The following PCDHGB7 variants were observed in gnomAD, a reference collection of about 807,000 sequenced individuals.
PCDHGB7 encodes the protein protocadherin gamma subfamily B, 7.
A neutral mutation model predicts 61.4 loss-of-function variants in PCDHGB7; 37 were observed. The ratio of observed to expected loss-of-function variants is 0.60; its 90% CI spans 0.46 to 0.79. PCDHGB7 has a LOEUF of 0.79. Ranked by LOEUF, PCDHGB7 falls within the 30% of genes least tolerant of loss-of-function variation. PCDHGB7 has a pLI of 0.00. For synonymous variants in PCDHGB7, 464 were observed against 503.5 expected (o/e 0.92, Z 1.05); for missense variants, 1,166 against 1,202.5 (o/e 0.97, Z 0.45).
chr5:141,478,202 C>T, intron 1 of PCDHGB7: 1 of 1,614,074 alleles, frequency 6.2e-7, no homozygotes, highest in Non-Finnish European at 8.5e-7. Flanking sequence ...TTATCTACTT[C>T]TTTCTCTAAT....
At chr5:141,444,561 G>A (rs1554133061) in intron 1 of PCDHGB7, among the ~76,000 whole-genome samples, 2 of 152,098 alleles carry the variant, frequency 1.3e-5, no homozygotes, top group Non-Finnish European at 2.9e-5. Context: ...GCACTTATTT[G>A]ACACTTTTGA....
chr5:141,511,049 G>A lies in PCDHGB7; in HGVS notation c.2666G>A (p.Arg889His), dbSNP rs61749029. 408 of 1,614,098 alleles carry A rather than the reference G, an allele frequency of 2.5e-4. No individual in the cohort carries two copies. Among genetic ancestry groups the A allele is most frequent in the South Asian group, 7.2e-4 (66 of 91,094 alleles). Residue 889 changes from arginine (R) to histidine (H), a missense_variant, in exon 4 of 4, where the codon CGC becomes CAC. Transcript: ENST00000398594. ...QFTLQHVPDY[R>H]QNVYIPGSNA... ...ACCCTGCAGCACGTGCCCGACTACC[G>A]CCAGAATGTCTACATCCCAGGCAGC...
Position 141,491,732 on chromosome 5 carries a change from C to G in PCDHGB7, c.2416-3075C>G. ...GGCTCGGCGCCGCCCCGGGCGACCC[C>G]TGGGGGCGGCACTGGAGAAGCCGCC... On this transcript the variant is annotated intron_variant, in intron 1 of 3. Coordinates refer to ENST00000398594, the MANE Select transcript of PCDHGB7 (RefSeq NM_018927.4). This position sits in a 1 kb window ranked among gnomAD's most constrained non-coding sequence, Gnocchi z 6.9. The G allele has an allele frequency of 1.2e-6, 2 of 1,602,752 alleles. No individual in the cohort carries two copies. Among genetic ancestry groups the G allele is most frequent in the Non-Finnish European group, 1.7e-6 (2 of 1,175,308 alleles).
In PCDHGB7 at chr5:141,490,291, C is replaced by T; in HGVS notation, c.2416-4516C>T. 6.2e-7 allele frequency: 1 copy of T among 1,614,212 alleles called. No homozygotes were observed. Among genetic ancestry groups the T allele is most frequent in the Non-Finnish European group, 8.5e-7 (1 of 1,180,048 alleles). On this transcript the variant is annotated intron_variant, in intron 1 of 3. Transcript: ENST00000398594. The surrounding 1 kb of genome is among the most constrained non-coding windows in gnomAD (Gnocchi z 5.4). ...TGTCAATGACAATGCCCCAGAGGTG[C>T]TATTGGCCTCTTTGGCCAACCCTGT...
intron 1 of PCDHGB7, among the ~76,000 whole-genome samples, chr5:141,420,710 G>A (rs2096519301): frequency 6.6e-6 from 1 of 152,186 alleles, no homozygotes; most frequent in South Asian, 2.1e-4. Flanking sequence ...TTCCAGAAAT[G>A]TCGTTCCTTT....
In PCDHGB7 at chr5:141,431,538, AGCTGCTTGTAGTCAAC is replaced by A; in HGVS notation, c.2415+11268_2415+11283del. 2 of 1,614,114 alleles carry A rather than the reference AGCTGCTTGTAGTCAAC, an allele frequency of 1.2e-6. No homozygotes were observed. Among genetic ancestry groups the A allele is most frequent in the Non-Finnish European group, 1.7e-6 (2 of 1,180,024 alleles). ...CCGGAGAATCTGGCCTTGGGCACGC[AGCTGCTTGTAGTCAAC>A]GCTACCGACCCTGACGAAGGAGTCA... On this transcript the variant is annotated intron_variant, in intron 1 of 3. Coordinates refer to ENST00000398594, the MANE Select transcript of PCDHGB7 (RefSeq NM_018927.4). This position sits in a 1 kb window ranked among gnomAD's most constrained non-coding sequence, Gnocchi z 4.8.
rs1363891858 is a variant in PCDHGB7, at chr5:141,491,369, C to T, written c.2416-3438C>T. 8.7e-6 allele frequency: 14 copies of T among 1,614,110 alleles called. No homozygotes were observed. Among genetic ancestry groups the T allele is most frequent in the East Asian group, 2.2e-5 (1 of 44,866 alleles). On this transcript the variant is annotated intron_variant, in intron 1 of 3. Coordinates refer to ENST00000398594, the MANE Select transcript of PCDHGB7 (RefSeq NM_018927.4). The surrounding 1 kb of genome is among the most constrained non-coding windows in gnomAD (Gnocchi z 6.9). ...AGTCTCTTATCCCTAGTCACCTTCACCTTTCTGTCAGCGAAGTGCCTTCAG... is the reference window on the plus strand; with the variant it reads ...AGTCTCTTATCCCTAGTCACCTTCATCTTTCTGTCAGCGAAGTGCCTTCAG...
Position 141,485,626 on chromosome 5 carries a change from T to A in PCDHGB7, c.2416-9181T>A, listed in dbSNP as rs2099616815. 6.2e-7 allele frequency: 1 copy of A among 1,611,740 alleles called. No individual in the cohort carries two copies. On this transcript the variant is annotated intron_variant, in intron 1 of 3. Coordinates refer to ENST00000398594, the MANE Select transcript of PCDHGB7 (RefSeq NM_018927.4). This position sits in a 1 kb window ranked among gnomAD's most constrained non-coding sequence, Gnocchi z 5.7. Reference sequence around the variant, plus strand: ...GGGAGGCAGCTCCTCCAGGACAGCGTTTCCCGTTGGAAAAGGCTCAGGATG... The same window carrying A: ...GGGAGGCAGCTCCTCCAGGACAGCGATTCCCGTTGGAAAAGGCTCAGGATG...
chr5:141,472,364 AC>A (rs2099278314), intron 1 of PCDHGB7, among the ~76,000 whole-genome samples: 1 of 151,866 alleles, frequency 6.6e-6, no homozygotes, highest in Non-Finnish European at 1.5e-5. Flanking sequence ...ACACGGTGAA[AC>A]CCCGTCTCCA....
At chr5:141,466,095 C>T (rs1170423552) in intron 1 of PCDHGB7, among the ~76,000 whole-genome samples, 1 of 152,038 alleles carries the variant, frequency 6.6e-6, no homozygotes, top group African/African-American at 2.4e-5. Flanking sequence ...GCACTCCAGC[C>T]TGGGCAACAG....
rs1293684074 is a variant in PCDHGB7 at position 141,512,899 on chromosome 5, C to T, written c.*1726C>T. On this transcript the variant is annotated 3_prime_UTR_variant, in exon 4 of 4. Transcript: ENST00000398594. ...CCCACCCCACCCTCTTCCTGTGTCT[C>T]ACGCAAGTTTTATACTCTAATATTT... 1 of 152,260 alleles carries T rather than the reference C, an allele frequency of 6.6e-6. No homozygotes were observed. Among genetic ancestry groups the T allele is most frequent in the Non-Finnish European group, 1.5e-5 (1 of 68,064 alleles). 9.4% of individuals were successfully genotyped at this position (152,260 alleles called of 1,614,324 possible). A position where few individuals can be genotyped will look rare whatever the true frequency, so the allele number is the denominator to read the frequency against.
At chr5:141,507,865 T>C (rs2099864402) in intron 3 of PCDHGB7, among the ~76,000 whole-genome samples, 1 of 152,128 alleles carries the variant, frequency 6.6e-6, no homozygotes. Context: ...CACACCCGCT[T>C]CCTAGCCCTG....
chr5:141,446,482 CT>C (rs112180482), intron 1 of PCDHGB7, among the ~76,000 whole-genome samples: 30,290 of 146,632 alleles, frequency 0.21, 3,322 homozygotes, highest in African/African-American at 0.31. Flanking sequence ...GGTCATCATT[CT>C]TTTTTTTTTT....
intron 1 of PCDHGB7, chr5:141,422,545 T>C: frequency 6.2e-7 from 1 of 1,614,000 alleles, no homozygotes; most frequent in Non-Finnish European, 8.5e-7. Context: ...AACTCATGTC[T>C]GGCTGAATGT....
Position 141,489,089 on chromosome 5 carries a change from A to G in PCDHGB7, c.2416-5718A>G. 5.6e-5 allele frequency: 16 copies of G among 284,404 alleles called. No individual in the cohort carries two copies. The highest frequency in any genetic ancestry group is 9.0e-5 in the Non-Finnish European group (14 of 156,416). The allele number at this position is 284,404 out of a possible 1,614,324, so 17.6% of individuals were successfully genotyped here. On this transcript the variant is annotated intron_variant, in intron 1 of 3. Coordinates refer to ENST00000398594, the MANE Select transcript of PCDHGB7 (RefSeq NM_018927.4). The surrounding 1 kb of genome is among the most constrained non-coding windows in gnomAD (Gnocchi z 4.5). ...CCCTGCCCACCCCCGCCACTCGGTG[A>G]CTAAGAACTGCTGCAAGCAGGCAAA...
At chr5:141,508,760 T>A (rs1004267844) in intron 3 of PCDHGB7, among the ~76,000 whole-genome samples, 17 of 151,522 alleles carry the variant, frequency 1.1e-4, no homozygotes, top group Admixed American at 1.1e-3. Flanking sequence ...CTCTGGCGCC[T>A]CTGAGGTCCC....
chr5:141,429,651 C>G (rs62379161), intron 1 of PCDHGB7, among the ~76,000 whole-genome samples: 5,146 of 152,188 alleles, frequency 0.034, 101 homozygotes, highest in Middle Eastern at 0.088. Context: ...TATTTCTTCC[C>G]AATTTAAAAT....
rs200646513 is a variant in PCDHGB7, at chr5:141,421,389, G to A, written c.2415+1115G>A. ...TGGGCAATATCTCCAAGGACCTGGG[G>A]CTGGAGCCCCGGGAGCTGGCGAAGC... On this transcript the variant is annotated intron_variant, in intron 1 of 3. Coordinates refer to ENST00000398594, the MANE Select transcript of PCDHGB7 (RefSeq NM_018927.4). The A allele has an allele frequency of 1.7e-3, 2,771 of 1,614,052 alleles. 5 individuals carry two copies. The highest frequency in any genetic ancestry group is 2.2e-3 in the Non-Finnish European group (2,560 of 1,179,918).
At chr5:141,427,808 G>C (rs756554301) in intron 1 of PCDHGB7, 1 of 1,522,948 alleles carries the variant, frequency 6.6e-7, no homozygotes, top group Non-Finnish European at 9.0e-7. Context: ...TGAGCGCACA[G>C]AGCGGGGTGG....
Sources: gnomAD v4.1 joint callset for allele counts (sites outside exome capture counted in the v4.1 genomes callset) on GRCh38, gnomAD v4.1.1 for gene constraint, Gnocchi (gnomAD v3.1) non-coding constraint, MANE v1.5 for transcripts, NCBI Gene and HGNC (gene_info 2026-07-23, HGNC 2026-07-21) for gene names.